Variants in ZSCAN5A observed in about 807,000 individuals in gnomAD.
ZSCAN5A encodes zinc finger and SCAN domain containing 5A.
A neutral mutation model predicts 23.7 loss-of-function variants in ZSCAN5A; 12 were observed. The ratio of observed to expected loss-of-function variants is 0.51; its 90% CI spans 0.32 to 0.82. The LOEUF (loss-of-function observed/expected upper bound fraction) is 0.82, where lower values mean the gene tolerates loss of function less well. ZSCAN5A is among the 40% of genes least tolerant of loss of function. The pLI is 0.03. For synonymous variants in ZSCAN5A, 257 were observed against 239.9 expected (o/e 1.07, Z -0.66); for missense variants, 597 against 617.9 (o/e 0.97, Z 0.36).
At chr19:56,275,328 T>C (rs1194817057) in intron 2 of ZSCAN5A, among the ~76,000 whole-genome samples, 20 of 152,220 alleles carry the variant, frequency 1.3e-4, no homozygotes, top group Admixed American at 1.3e-3. Flanking sequence ...ATTCCCCTTA[T>C]TCATCTACAT....
intron 2 of ZSCAN5A, among the ~76,000 whole-genome samples, chr19:56,292,706 A>T (rs1415267608): frequency 6.6e-6 from 1 of 152,064 alleles, no homozygotes; most frequent in African/African-American, 2.4e-5. Context: ...GTACCCATTA[A>T]ACAGTCAGTC....
At chr19:56,366,225 C>T (rs934764374) in intron 1 of ZSCAN5A, among the ~76,000 whole-genome samples, 5 of 152,004 alleles carry the variant, frequency 3.3e-5, no homozygotes, top group East Asian at 1.9e-4. Flanking sequence ...GGGCGGATCA[C>T]GAGGTCAGAG....
At chr19:56,255,032 GTTTTAAAATATATA>G (rs917057455) in intron 2 of ZSCAN5A, among the ~76,000 whole-genome samples, 10 of 151,772 alleles carry the variant, frequency 6.6e-5, no homozygotes, top group South Asian at 2.1e-4. Context: ...AAAACTGTGA[GTTTTAAAATATATA>G]TTTTAAAATA....
At chr19:56,342,507 A>G (rs1055844286) in intron 2 of ZSCAN5A, 1 of 388,290 alleles carries the variant, frequency 2.6e-6, no homozygotes, top group Non-Finnish European at 5.3e-6. Flanking sequence ...AAGCACTCCA[A>G]TAAAATCTAT....
At chr19:56,273,865 G>A (rs1300715248) in intron 2 of ZSCAN5A, among the ~76,000 whole-genome samples, 1 of 152,180 alleles carries the variant, frequency 6.6e-6, no homozygotes, top group African/African-American at 2.4e-5. Flanking sequence ...TTAGGAGCGT[G>A]TGTGTGCATG....
At chr19:56,286,910 T>C (rs2039167171) in intron 2 of ZSCAN5A, among the ~76,000 whole-genome samples, 1 of 152,230 alleles carries the variant, frequency 6.6e-6, no homozygotes, top group African/African-American at 2.4e-5. Context: ...GGCTCCACTA[T>C]TTACCAGCAC....
intron 2 of ZSCAN5A, among the ~76,000 whole-genome samples, chr19:56,248,595 T>A (rs1314882568): frequency 6.6e-6 from 1 of 152,150 alleles, no homozygotes; most frequent in Non-Finnish European, 1.5e-5. Context: ...TTTATTCAAA[T>A]TTTTTGAAAT....
intron 2 of ZSCAN5A, among the ~76,000 whole-genome samples, chr19:56,225,621 C>G (rs2033849172): frequency 6.6e-6 from 1 of 152,194 alleles, no homozygotes; most frequent in South Asian, 2.1e-4. Flanking sequence ...CATTTACTTG[C>G]TCCAGGGAAG....
At chr19:56,339,130 TAATA>T (rs2041567951) in intron 2 of ZSCAN5A, among the ~76,000 whole-genome samples, 1 of 152,270 alleles carries the variant, frequency 6.6e-6, no homozygotes, top group Non-Finnish European at 1.5e-5. Flanking sequence ...CTGTAAAGGG[TAATA>T]AATATTTACA....
chr19:56,358,172 C>T (rs2041710014), intron 2 of ZSCAN5A, among the ~76,000 whole-genome samples: 1 of 149,008 alleles, frequency 6.7e-6, no homozygotes, highest in African/African-American at 2.5e-5. Context: ...ACAGGCTGTA[C>T]TGCAGTGGTG....
At chr19:56,323,809 T>G (rs1333611723) in intron 2 of ZSCAN5A, among the ~76,000 whole-genome samples, 1 of 152,144 alleles carries the variant, frequency 6.6e-6, no homozygotes, top group Non-Finnish European at 1.5e-5. Context: ...GTGCTGGGAT[T>G]ACAGTCATGA....
intron 2 of ZSCAN5A, among the ~76,000 whole-genome samples, chr19:56,270,886 G>T (rs2037799704): frequency 6.6e-6 from 1 of 152,152 alleles, no homozygotes. Context: ...AATGTCAGCT[G>T]TGCCAATGGT....
intron 2 of ZSCAN5A, among the ~76,000 whole-genome samples, chr19:56,357,116 C>T (rs1182467754): frequency 6.7e-6 from 1 of 148,688 alleles, no homozygotes; most frequent in East Asian, 1.9e-4. Context: ...GCCTTCTTCT[C>T]CTCTTTCTCC....
At chr19:56,330,514 A>G (rs2041479621) in intron 2 of ZSCAN5A, among the ~76,000 whole-genome samples, 1 of 152,094 alleles carries the variant, frequency 6.6e-6, no homozygotes, top group African/African-American at 2.4e-5. Flanking sequence ...TTACTTTTTA[A>G]TAATAGTCAT....
At chr19:56,285,968 C>G (rs527853844) in intron 2 of ZSCAN5A, among the ~76,000 whole-genome samples, 1 of 152,292 alleles carries the variant, frequency 6.6e-6, no homozygotes, top group Admixed American at 6.5e-5. Flanking sequence ...TCATATACAG[C>G]CTGTGGGGAT....
chr19:56,244,149 A>C, intron 2 of ZSCAN5A: 1 of 1,604,952 alleles, frequency 6.2e-7, no homozygotes, highest in Non-Finnish European at 8.5e-7. Flanking sequence ...CTTGGAAATC[A>C]TGACTGGGAC....
At chr19:56,246,470 AG>A in intron 2 of ZSCAN5A, 4 of 622,408 alleles carry the variant, frequency 6.4e-6, no homozygotes, top group Non-Finnish European at 1.2e-5. Context: ...GGTCCTAGTG[AG>A]TATGAAGACT....
At position 56,230,756 on chromosome 19, in the gene ZSCAN5A, A is replaced by T. The variant is rs557126558; in HGVS notation, c.-127-5583T>A. Reference sequence around the variant, plus strand: ...TTACATCCTGATAAACCCTATTGTGAATGTAAAATATAGAAAATAAAAATG... The same window carrying T: ...TTACATCCTGATAAACCCTATTGTGTATGTAAAATATAGAAAATAAAAATG... On this transcript the variant is annotated intron_variant, in intron 2 of 5. Coordinates refer to ENST00000683990, the MANE Select transcript of ZSCAN5A (RefSeq NM_001322064.3). Among the ~76,000 whole-genome samples the T allele has an allele frequency of 5.9e-5, 9 of 152,216 alleles. No individual in the cohort carries two copies. The East Asian group carries it at 1.4e-3, about 23-fold the overall frequency.
At chr19:56,233,760 C>T (rs1808107514) in intron 2 of ZSCAN5A, among the ~76,000 whole-genome samples, 1 of 151,758 alleles carries the variant, frequency 6.6e-6, no homozygotes, top group Non-Finnish European at 1.5e-5. Context: ...CACTTCCTGG[C>T]ACCCCACACT....
Sources: allele counts gnomAD v4.1 joint callset (sites outside exome capture counted in the v4.1 genomes callset), GRCh38; gene constraint gnomAD v4.1.1; transcripts MANE v1.5; gene names NCBI Gene and HGNC (gene_info 2026-07-23, HGNC 2026-07-21).